CDKL5: variants seen among roughly 807,000 people sequenced by gnomAD.
CDKL5 encodes the protein cyclin dependent kinase like 5, also known as cyclin-dependent kinase-like 5.
Under a neutral mutation model 61.7 loss-of-function variants are expected in CDKL5, and 8 were observed. The observed-to-expected ratio is 0.13, with a 90% confidence interval of 0.08 to 0.23. The LOEUF (loss-of-function observed/expected upper bound fraction) is 0.23, where lower values mean the gene tolerates loss of function less well. Ranked by LOEUF, CDKL5 falls within the 10% of genes least tolerant of loss-of-function variation. The pLI, the probability that CDKL5 is intolerant of heterozygous loss-of-function variation, is 1.00. For missense variants in CDKL5, 440 were observed against 734.5 expected (o/e 0.60, Z 4.63); for synonymous variants, 275 against 272.3 (o/e 1.01, Z -0.10).
chrX:18,464,013 TTTTTTG>T (rs905701220), intron 1 of CDKL5, among the ~76,000 whole-genome samples: 9 of 109,888 alleles, frequency 8.2e-5, no homozygotes, highest in African/African-American at 2.0e-4. Context: ...TGTGTGTGTT[TTTTTTG>T]TTTTTGTTTT....
intron 1 of CDKL5, among the ~76,000 whole-genome samples, chrX:18,490,246 C>G (rs1212862274): frequency 9.0e-6 from 1 of 111,154 alleles, no homozygotes; most frequent in African/African-American, 3.3e-5. Context: ...AGCAAATTAT[C>G]AAACTTGAGG....
intron 1 of CDKL5, among the ~76,000 whole-genome samples, chrX:18,494,255 C>CT (rs1459750055): frequency 2.8e-5 from 3 of 108,020 alleles, no homozygotes; most frequent in Non-Finnish European, 3.9e-5. Context: ...TTCTTTCTTT[C>CT]TTTTTTTTTG....
chrX:18,442,786 G>A (rs1039243212), intron 1 of CDKL5, among the ~76,000 whole-genome samples: 8 of 111,979 alleles, frequency 7.1e-5, no homozygotes, highest in Non-Finnish European at 1.3e-4. Context: ...GAGCCACCGC[G>A]CCTAGCGCTC....
In CDKL5 at chrX:18,604,221, T is replaced by C. The variant is rs751110235; in HGVS notation, c.1297T>C (p.Tyr433His). The C allele has an allele frequency of 8.3e-7, 1 of 1,211,833 alleles. No individual in the cohort carries two copies. The highest frequency in any genetic ancestry group is 1.1e-6 in the Non-Finnish European group (1 of 895,403). Reference protein sequence around the residue: ...PKPSEGPGTKYLKSNSRSQQN... With the variant: ...PKPSEGPGTKHLKSNSRSQQN... Reference sequence around the variant, plus strand: ...GCCTTCAGAAGGCCCAGGGACAAAGTACCTCAAGTCAAACAGCAGATCTCA... The same window carrying C: ...GCCTTCAGAAGGCCCAGGGACAAAGCACCTCAAGTCAAACAGCAGATCTCA... Residue 433 changes from tyrosine to histidine, a missense_variant, in exon 12 of 18, where the codon TAC (tyrosine) becomes CAC (histidine). By Grantham distance (83) the Tyr-to-His change is moderately conservative. Around this residue, in one of 2 missense-constraint regions of CDKL5, gnomAD observed 363 missense variants for 516.3 expected, o/e 0.70. Transcript: ENST00000623535.
intron 1 of CDKL5, among the ~76,000 whole-genome samples, chrX:18,490,664 G>A (rs976148124): frequency 1.3e-4 from 14 of 111,262 alleles, no homozygotes; most frequent in African/African-American, 3.6e-4. Flanking sequence ...TTTTTAAATT[G>A]TTATTATTTA....
intron 1 of CDKL5, among the ~76,000 whole-genome samples, chrX:18,492,824 A>T (rs757317162): frequency 1.8e-5 from 2 of 112,013 alleles, no homozygotes; most frequent in African/African-American, 3.2e-5. Context: ...TCTACTCTGT[A>T]GCTTATGTGA....
intron 7 of CDKL5, 139 bp downstream of exon 7, chrX:18,582,089 T>C: frequency 2.0e-6 from 1 of 503,733 alleles, no homozygotes; most frequent in South Asian, 3.0e-5. Flanking sequence ...GAGTCACATG[T>C]TGAAAAATTG....
At chrX:18,539,087 C>G (rs1923936675) in intron 3 of CDKL5, among the ~76,000 whole-genome samples, 1 of 111,267 alleles carries the variant, frequency 9.0e-6, no homozygotes, top group Non-Finnish European at 1.9e-5. Flanking sequence ...TTGTTTTGTT[C>G]CTGATACTGA....
At chrX:18,528,456 A>G (rs865907825) in intron 3 of CDKL5, among the ~76,000 whole-genome samples, 17 of 110,102 alleles carry the variant, frequency 1.5e-4, no homozygotes, top group Middle Eastern at 4.6e-3. Context: ...CTTTATCCCA[A>G]TGATTTTCCT....
intron 1 of CDKL5, among the ~76,000 whole-genome samples, chrX:18,468,025 TCAAC>T (rs1349146752): frequency 8.9e-6 from 1 of 112,214 alleles, no homozygotes; most frequent in African/African-American, 3.2e-5. Flanking sequence ...TTTAGTATCT[TCAAC>T]CAGTCTAGCT....
intron 3 of CDKL5, among the ~76,000 whole-genome samples, chrX:18,513,808 T>C (rs1922910270): frequency 8.9e-6 from 1 of 111,988 alleles, no homozygotes; most frequent in Admixed American, 9.5e-5. Context: ...AATTTGATGC[T>C]TCTGGCAAGA....
intron 3 of CDKL5, among the ~76,000 whole-genome samples, chrX:18,546,355 A>G (rs1602253015): frequency 1.0e-5 from 1 of 100,028 alleles, no homozygotes; most frequent in African/African-American, 3.8e-5. Context: ...TCCGCCTCCC[A>G]GGTTCAAATG....
At chrX:18,624,893 G>T (rs916405460) in intron 16 of CDKL5, among the ~76,000 whole-genome samples, 2 of 111,960 alleles carry the variant, frequency 1.8e-5, no homozygotes, top group Non-Finnish European at 3.8e-5. Context: ...TAACAAAGCT[G>T]CATGACATCT....
chrX:18,450,395 T>A (rs1931984505), intron 1 of CDKL5, among the ~76,000 whole-genome samples: 1 of 112,012 alleles, frequency 8.9e-6, no homozygotes, highest in Non-Finnish European at 1.9e-5. Context: ...TTATTCATTC[T>A]TTCTTCTTTG....
In CDKL5 at chrX:18,609,020, T is replaced by C. The variant is rs184627620; in HGVS notation, c.2046+108T>C. 223 of 563,785 alleles carry C rather than the reference T, an allele frequency of 4.0e-4. No individual in the cohort carries two copies. The African/African-American group carries it at 4.5e-3, about 11-fold the overall frequency. The allele number at this position is 563,785 out of a possible 1,213,427, so 46.5% of individuals were successfully genotyped here. ...CCCACAAATAAGTTGAAGTGGCTTA[T>C]AAAGTAAGTAGTTTTCCTTGTGGCA... On this transcript the variant is annotated intron_variant, in intron 13 of 17. Coordinates refer to ENST00000623535, the MANE Select transcript of CDKL5 (RefSeq NM_001323289.2).
At chrX:18,438,740 A>C (rs1204083800) in intron 1 of CDKL5, among the ~76,000 whole-genome samples, 1 of 102,876 alleles carries the variant, frequency 9.7e-6, no homozygotes, top group Non-Finnish European at 2.0e-5. Context: ...CAGTGAGCCA[A>C]GATTGCACCA....
chrX:18,494,880 G>A (rs1284585017), intron 1 of CDKL5, among the ~76,000 whole-genome samples: 1 of 112,070 alleles, frequency 8.9e-6, no homozygotes, highest in Non-Finnish European at 1.9e-5. Flanking sequence ...GGAGAATAAA[G>A]CAAAATGAAG....
intron 20 of CDKL5, chrX:18,647,437 G>A (rs750545625): frequency 8.6e-5 from 75 of 872,108 alleles, no homozygotes; most frequent in African/African-American, 1.4e-4. Flanking sequence ...CTTCGGAGAC[G>A]GAGAAGGCTT....
chrX:18,439,045 G>GGCCCCCCC (rs757823393), intron 1 of CDKL5, among the ~76,000 whole-genome samples: 1 of 37,485 alleles, frequency 2.7e-5, no homozygotes, highest in Non-Finnish European at 4.4e-5. Flanking sequence ...GCCCCTTTTT[G>GGCCCCCCC]CCCCCCCCCC....
Sources: allele counts gnomAD v4.1 joint callset (sites outside exome capture counted in the v4.1 genomes callset), GRCh38; gene constraint gnomAD v4.1.1; regional missense constraint gnomAD v4.1.1; transcripts MANE v1.5; gene names NCBI Gene and HGNC (gene_info 2026-07-23, HGNC 2026-07-21).